The following SLC38A9 variants were observed in gnomAD, a reference collection of about 807,000 sequenced individuals.
The protein encoded by SLC38A9 is neutral amino acid transporter 9.
Under a neutral mutation model 62.3 loss-of-function variants are expected in SLC38A9, and 48 were observed. The observed-to-expected ratio is 0.77, with a 90% confidence interval of 0.61 to 0.98. The LOEUF (loss-of-function observed/expected upper bound fraction) is 0.98, where lower values mean the gene tolerates loss of function less well. SLC38A9 is among the 50% of genes least tolerant of loss of function. The pLI is 0.00. For missense variants in SLC38A9, 541 were observed against 679.8 expected (o/e 0.80, Z 2.27); for synonymous variants, 204 against 227.7 (o/e 0.90, Z 0.94).
intron 10 of SLC38A9, among the ~76,000 whole-genome samples, chr5:55,650,112 G>C (rs190126032): frequency 6.6e-6 from 1 of 152,166 alleles, no homozygotes; most frequent in Admixed American, 6.6e-5. Context: ...ATTTGAGAAA[G>C]GTGAGAAGCC....
chr5:55,689,678 T>C (rs1237995567), intron 3 of SLC38A9, among the ~76,000 whole-genome samples: 2 of 152,172 alleles, frequency 1.3e-5, no homozygotes, highest in Non-Finnish European at 2.9e-5. Flanking sequence ...CCCTAACGAG[T>C]ACCAGTCAAA....
At chr5:55,709,743 A>G (rs1757755478) in intron 2 of SLC38A9, among the ~76,000 whole-genome samples, 1 of 152,190 alleles carries the variant, frequency 6.6e-6, no homozygotes, top group South Asian at 2.1e-4. Context: ...TAACTGAAAT[A>G]TATAGTATTT....
At chr5:55,677,926 T>TTGTGTGTGTGTGTGTGTGTGTG (rs10682261) in intron 3 of SLC38A9, among the ~76,000 whole-genome samples, 13 of 112,198 alleles carry the variant, frequency 1.2e-4, no homozygotes, top group South Asian at 6.6e-4. Context: ...TTTTTCTTTA[T>TTGTGTGTGTGTGTGTGTGTGTG]TGTGTGTGTG....
At chr5:55,640,939 C>T (rs185656075) in intron 12 of SLC38A9, among the ~76,000 whole-genome samples, 161 of 152,204 alleles carry the variant, frequency 1.1e-3, no homozygotes, top group Non-Finnish European at 1.9e-3. Flanking sequence ...CAGGTTCAAG[C>T]GATTCTCCTG....
At chr5:55,633,212 G>C (rs1561300781) in intron 14 of SLC38A9, among the ~76,000 whole-genome samples, 1 of 151,998 alleles carries the variant, frequency 6.6e-6, no homozygotes, top group South Asian at 2.1e-4. Flanking sequence ...TCAGTATGTT[G>C]CCCAGGCTGG....
intron 8 of SLC38A9, among the ~76,000 whole-genome samples, chr5:55,659,135 G>A (rs1163646526): frequency 2.6e-5 from 4 of 151,312 alleles, no homozygotes. Flanking sequence ...ATTATTAAAG[G>A]GTACAACTGA....
At chr5:55,701,745 CA>C (rs1484212522) in intron 2 of SLC38A9, among the ~76,000 whole-genome samples, 1 of 152,168 alleles carries the variant, frequency 6.6e-6, no homozygotes, top group Non-Finnish European at 1.5e-5. Flanking sequence ...CATGTAAAAG[CA>C]AGGGATGTAG....
chr5:55,644,184 C>T (rs1485768400), intron 12 of SLC38A9, among the ~76,000 whole-genome samples: 1 of 152,130 alleles, frequency 6.6e-6, no homozygotes, highest in African/African-American at 2.4e-5. Flanking sequence ...TGGTCTCGAA[C>T]ACCTGGCCTC....
chr5:55,675,359 T>C (rs541289457), intron 3 of SLC38A9: 2 of 152,208 alleles, frequency 1.3e-5, no homozygotes, highest in Non-Finnish European at 2.9e-5. Context: ...TTGGAATCTT[T>C]TCAAAACAGA....
intron 2 of SLC38A9, among the ~76,000 whole-genome samples, chr5:55,710,652 T>C (rs187985159): frequency 6.6e-5 from 10 of 151,778 alleles, no homozygotes; most frequent in Admixed American, 3.9e-4. Context: ...AGCCTCACTC[T>C]GTCACCAGGC....
intron 2 of SLC38A9, among the ~76,000 whole-genome samples, chr5:55,703,768 G>A (rs1756947447): frequency 6.6e-6 from 1 of 152,158 alleles, no homozygotes; most frequent in African/African-American, 2.4e-5. Flanking sequence ...AGGATTGATA[G>A]AATCTGTTAA....
intron 12 of SLC38A9, among the ~76,000 whole-genome samples, chr5:55,636,129 A>G (rs1481365175): frequency 6.6e-6 from 1 of 152,220 alleles, no homozygotes; most frequent in Non-Finnish European, 1.5e-5. Flanking sequence ...AGCAGAGCAG[A>G]ACATACTAAA....
At chr5:55,688,272 TG>T (rs1360563749) in intron 3 of SLC38A9, among the ~76,000 whole-genome samples, 2 of 152,168 alleles carry the variant, frequency 1.3e-5, no homozygotes, top group African/African-American at 4.8e-5. Flanking sequence ...CTGATTGCTC[TG>T]GCCAGAACTT....
chr5:55,650,838 C>G (rs1449622774), intron 10 of SLC38A9, among the ~76,000 whole-genome samples: 1 of 152,214 alleles, frequency 6.6e-6, no homozygotes, highest in African/African-American at 2.4e-5. Flanking sequence ...GTTGCCCACG[C>G]TGGAGTGCAA....
At chr5:55,683,382 G>A (rs2150454326) in intron 3 of SLC38A9, among the ~76,000 whole-genome samples, 1 of 152,118 alleles carries the variant, frequency 6.6e-6, no homozygotes, top group South Asian at 2.1e-4. Context: ...TTTAAACAAA[G>A]TTTTAAGAAA....
chr5:55,694,506 T>G (rs991205614), intron 3 of SLC38A9, among the ~76,000 whole-genome samples: 2 of 150,220 alleles, frequency 1.3e-5, no homozygotes, highest in African/African-American at 4.9e-5. Flanking sequence ...GTGTGTGTGG[T>G]GGGGGAAACA....
intron 2 of SLC38A9, among the ~76,000 whole-genome samples, chr5:55,710,212 T>C (rs1757832665): frequency 6.6e-6 from 1 of 151,260 alleles, no homozygotes; most frequent in African/African-American, 2.4e-5. Context: ...CTTTTTTTTT[T>C]TTTTTTTTAA....
intron 13 of SLC38A9, 65 bp from the exon 14 acceptor site, chr5:55,633,967 G>C: frequency 1.6e-6 from 2 of 1,285,076 alleles, no homozygotes; most frequent in Non-Finnish European, 1.1e-6. Context: ...TCATAAAATG[G>C]AATGTCTTCT....
At chr5:55,661,034 C>T (rs542841260) in intron 8 of SLC38A9, among the ~76,000 whole-genome samples, 9 of 101,478 alleles carry the variant, frequency 8.9e-5, no homozygotes, top group South Asian at 3.9e-4. Flanking sequence ...GTTAAGATCC[C>T]GAGGAAAAAG....
Sources: gnomAD v4.1 joint callset for allele counts (sites outside exome capture counted in the v4.1 genomes callset) on GRCh38, gnomAD v4.1.1 for gene constraint, MANE v1.5 for transcripts, NCBI Gene and HGNC (gene_info 2026-07-23, HGNC 2026-07-21) for gene names.